WIF1: variants seen among roughly 807,000 people sequenced by gnomAD.
WIF1 encodes Wnt inhibitory factor 1.
WIF1 carries 35 observed loss-of-function variants against 53.5 expected under a neutral mutation model. That is an observed-to-expected ratio of 0.65 (90% confidence interval 0.50 to 0.87). WIF1 has a LOEUF of 0.87. WIF1 is among the 40% of genes least tolerant of loss of function. The pLI, the probability that WIF1 is intolerant of heterozygous loss-of-function variation, is 0.00. For synonymous variants in WIF1, 171 were observed against 170.4 expected, an observed-to-expected ratio of 1.00 and a Z score of -0.03; for missense variants, 467 against 476.8, an observed-to-expected ratio of 0.98 and a Z score of 0.19.
intron 2 of WIF1, among the ~76,000 whole-genome samples, chr12:65,087,976 G>A (rs139702840): frequency 2.0e-4 from 30 of 152,194 alleles, no homozygotes; most frequent in African/African-American, 5.8e-4. Context: ...AACATACTTT[G>A]CTCTTTTAAT....
At chr12:65,113,179 T>C (rs1883458724) in intron 2 of WIF1, among the ~76,000 whole-genome samples, 1 of 152,194 alleles carries the variant, frequency 6.6e-6, no homozygotes, top group Admixed American at 6.5e-5. Flanking sequence ...CACATGTGAC[T>C]TTATTGAGTT....
At chr12:65,096,560 T>C (rs1372828173) in intron 2 of WIF1, among the ~76,000 whole-genome samples, 2 of 152,210 alleles carry the variant, frequency 1.3e-5, no homozygotes, top group South Asian at 2.1e-4. Flanking sequence ...TAAAGACACA[T>C]GCACACATAT....
chr12:65,082,270 G>T (rs1020054889), intron 2 of WIF1, among the ~76,000 whole-genome samples: 1 of 152,060 alleles, frequency 6.6e-6, no homozygotes, highest in Admixed American at 6.6e-5. Flanking sequence ...TAAAGTTTGG[G>T]AACAATTTCC....
chr12:65,116,932 C>CAAAAAAA (rs35417909), intron 2 of WIF1, among the ~76,000 whole-genome samples: 1 of 64,752 alleles, frequency 1.5e-5, no homozygotes, highest in African/African-American at 4.9e-5. Flanking sequence ...GACTCTGTCT[C>CAAAAAAA]AAAAAAAAAA....
At chr12:65,119,214 A>G (rs961104712) in intron 2 of WIF1, among the ~76,000 whole-genome samples, 1 of 152,208 alleles carries the variant, frequency 6.6e-6, no homozygotes, top group Non-Finnish European at 1.5e-5. Context: ...TTGTAGGGAG[A>G]AAAGGAATAA....
At chr12:65,071,217 G>C (rs933243902) in intron 3 of WIF1, among the ~76,000 whole-genome samples, 1 of 110,116 alleles carries the variant, frequency 9.1e-6, no homozygotes, top group African/African-American at 3.7e-5. Context: ...CTGGGCAACA[G>C]AGCAAGACTC....
intron 7 of WIF1, among the ~76,000 whole-genome samples, chr12:65,060,458 T>G (rs1265242236): frequency 6.6e-6 from 1 of 152,194 alleles, no homozygotes; most frequent in Non-Finnish European, 1.5e-5. Context: ...AAATGCCATA[T>G]CTTATATGAT....
At chr12:65,084,197 C>A (rs550909099) in intron 2 of WIF1, among the ~76,000 whole-genome samples, 9 of 152,238 alleles carry the variant, frequency 5.9e-5, no homozygotes, top group African/African-American at 2.2e-4. Context: ...CACCTGAATC[C>A]AGCATTTATT....
intron 2 of WIF1, among the ~76,000 whole-genome samples, chr12:65,099,919 T>A (rs913910553): frequency 6.6e-6 from 1 of 152,134 alleles, no homozygotes. Flanking sequence ...TTAAGAAAAT[T>A]GAGGAAATAA....
chr12:65,108,911 G>A (rs938824409), intron 2 of WIF1, among the ~76,000 whole-genome samples: 16 of 152,026 alleles, frequency 1.1e-4, no homozygotes, highest in South Asian at 4.1e-4. Context: ...ACTTTTTCCC[G>A]TGCAAAGACC....
chr12:65,051,608 CTGAA>C, intron 9 of WIF1, 138 bp from the exon 10 acceptor site: 1 of 1,106,056 alleles, frequency 9.0e-7, no homozygotes, highest in Non-Finnish European at 1.2e-6. Flanking sequence ...AAAAAGCTAC[CTGAA>C]TGAAGAGATC....
At chr12:65,057,192 G>T (rs902240195) in intron 7 of WIF1, among the ~76,000 whole-genome samples, 1 of 152,134 alleles carries the variant, frequency 6.6e-6, no homozygotes, top group African/African-American at 2.4e-5. Context: ...AGGTGCAGTG[G>T]CAATGGCTGG....
At chr12:65,098,190 T>C (rs376684942) in intron 2 of WIF1, among the ~76,000 whole-genome samples, 11 of 152,236 alleles carry the variant, frequency 7.2e-5, no homozygotes, top group Non-Finnish European at 1.6e-4. Context: ...CATGTAAAAA[T>C]AGCACTATTT....
intron 2 of WIF1, among the ~76,000 whole-genome samples, chr12:65,111,380 C>A (rs1346501895): frequency 6.6e-6 from 1 of 152,154 alleles, no homozygotes; most frequent in Non-Finnish European, 1.5e-5. Context: ...TCCCAGGTGC[C>A]TTCACATGAT....
chr12:65,062,580 T>C lies in WIF1; in HGVS notation c.731-4A>G, dbSNP rs759818868. 1.0e-5 allele frequency: 16 copies of C among 1,602,354 alleles called. No individual in the cohort carries two copies. The highest frequency in any genetic ancestry group is 1.4e-5 in the Non-Finnish European group (16 of 1,172,912). On this transcript the variant is annotated splice_region_variant and splice_polypyrimidine_tract_variant and intron_variant, in intron 6 of 9. Coordinates refer to ENST00000286574, the MANE Select transcript of WIF1 (RefSeq NM_007191.5). Reference sequence around the variant, plus strand: ...AAGCAGGTGGTTGAGCAGTTTGCTGTTAGAATGAGTAACAGGGGTGTTGCA... The same window carrying C: ...AAGCAGGTGGTTGAGCAGTTTGCTGCTAGAATGAGTAACAGGGGTGTTGCA...
chr12:65,084,271 G>T (rs539469072), intron 2 of WIF1, among the ~76,000 whole-genome samples: 1 of 152,016 alleles, frequency 6.6e-6, no homozygotes, highest in South Asian at 2.1e-4. Flanking sequence ...CTTTAAAAGT[G>T]GCCAATACAT....
chr12:65,085,340 C>A (rs980760935), intron 2 of WIF1, among the ~76,000 whole-genome samples: 3 of 152,012 alleles, frequency 2.0e-5, no homozygotes, highest in Admixed American at 1.3e-4. Context: ...TTCATATATA[C>A]CTTATAGGCT....
chr12:65,098,498 A>T (rs1383354562), intron 2 of WIF1, among the ~76,000 whole-genome samples: 7 of 152,128 alleles, frequency 4.6e-5, no homozygotes, highest in Admixed American at 6.6e-5. Flanking sequence ...ATGATATCAT[A>T]TGGCTGCCAC....
intron 2 of WIF1, among the ~76,000 whole-genome samples, chr12:65,079,625 CAAA>C (rs56249618): frequency 3.0e-5 from 2 of 67,154 alleles, no homozygotes; most frequent in Admixed American, 1.8e-4. Flanking sequence ...GACTCTGTCT[CAAA>C]AAAAAAAAAA....
Sources: allele counts gnomAD v4.1 joint callset (sites outside exome capture counted in the v4.1 genomes callset), GRCh38; gene constraint gnomAD v4.1.1; transcripts MANE v1.5; gene names NCBI Gene and HGNC (gene_info 2026-07-23, HGNC 2026-07-21).